ARID5B: variants seen among roughly 807,000 people sequenced by gnomAD.
ARID5B encodes AT-rich interaction domain 5B.
In ARID5B, 13 loss-of-function variants were observed where a neutral mutation model predicts 97.2. That is an observed-to-expected ratio of 0.13 (90% CI 0.09 to 0.21). The LOEUF is 0.21. ARID5B is among the 10% of genes least tolerant of loss of function. The pLI is 1.00. For missense variants in ARID5B, 1,210 were observed against 1,465.3 expected (o/e 0.83, Z 2.84); for synonymous variants, 556 against 570.3 (o/e 0.97, Z 0.36).
chr10:62,063,315 G>C (rs1438181455), intron 7 of ARID5B, among the ~76,000 whole-genome samples: 1 of 152,158 alleles, frequency 6.6e-6, no homozygotes, highest in Non-Finnish European at 1.5e-5. Context: ...AAGTATAAAA[G>C]CTGTAGATGT....
At chr10:61,902,605 CAA>C (rs1191518017) in intron 2 of ARID5B, among the ~76,000 whole-genome samples, 192 bp downstream of exon 2, 1 of 151,976 alleles carries the variant, frequency 6.6e-6, no homozygotes, top group African/African-American at 2.4e-5. Context: ...GTCAGCTTTA[CAA>C]AGAGGATCCA....
At chr10:62,049,533 C>G (rs1564636674) in intron 4 of ARID5B, 4 of 1,549,922 alleles carry the variant, frequency 2.6e-6, no homozygotes, top group Non-Finnish European at 3.5e-6. Flanking sequence ...GCTTGTTTAC[C>G]TTTGGTAATT....
intron 4 of ARID5B, among the ~76,000 whole-genome samples, chr10:62,050,272 A>G (rs113568688): frequency 6.6e-6 from 1 of 152,206 alleles, no homozygotes; most frequent in Non-Finnish European, 1.5e-5. Flanking sequence ...ATTTAAATGT[A>G]TCTGTCAGAT....
intron 4 of ARID5B, among the ~76,000 whole-genome samples, chr10:62,042,858 T>A (rs897515753): frequency 6.9e-6 from 1 of 143,922 alleles, no homozygotes; most frequent in Non-Finnish European, 1.5e-5. Flanking sequence ...GAGCATGCAG[T>A]GAGCCAAGAT....
At chr10:62,070,052 CCCCACAAGCATAGA>C (rs1840043025) in intron 8 of ARID5B, among the ~76,000 whole-genome samples, 1 of 149,586 alleles carries the variant, frequency 6.7e-6, no homozygotes. Context: ...TTTTTTTTTT[CCCCACAAGCATAGA>C]TTACTCAGGA....
At chr10:62,049,701 A>T (rs1417182356) in intron 4 of ARID5B, among the ~76,000 whole-genome samples, 5 of 152,196 alleles carry the variant, frequency 3.3e-5, no homozygotes, top group Non-Finnish European at 7.3e-5. Context: ...TTCCACCAAC[A>T]GTAAAACTGT....
At chr10:61,985,650 A>T (rs1456273711) in intron 3 of ARID5B, among the ~76,000 whole-genome samples, 2 of 152,174 alleles carry the variant, frequency 1.3e-5, no homozygotes, top group Non-Finnish European at 2.9e-5. Context: ...CCTAAAAAAC[A>T]TTAAATTACA....
chr10:61,957,308 G>A (rs113291057), intron 3 of ARID5B, among the ~76,000 whole-genome samples: 2,872 of 151,810 alleles, frequency 0.019, 74 homozygotes, highest in African/African-American at 0.065. Flanking sequence ...TCTCTCTGTC[G>A]CCCAGGCTGG....
intron 3 of ARID5B, among the ~76,000 whole-genome samples, chr10:61,996,858 T>C (rs1294097232): frequency 6.7e-6 from 1 of 148,834 alleles, no homozygotes; most frequent in Non-Finnish European, 1.5e-5. Flanking sequence ...AGGAGAGAAA[T>C]AAGAATTTTT....
At chr10:62,020,066 G>A (rs147405030) in intron 4 of ARID5B, among the ~76,000 whole-genome samples, 2 of 152,222 alleles carry the variant, frequency 1.3e-5, no homozygotes, top group Admixed American at 6.5e-5. Context: ...ACTTTCTGGC[G>A]AGGAGTCTTG....
chr10:62,090,924 T>C lies in ARID5B; in HGVS notation c.1461T>C (p.Pro487=). The change falls in exon 10 of 10, where the codon CCT becomes CCC. Residue 487 remains proline, a synonymous_variant. Coordinates refer to ENST00000279873, the MANE Select transcript of ARID5B (RefSeq NM_032199.3). ...TAAGCCAGAAAAGCATCCCTGAGCC[T>C]CTCCCAGCAGCAGACATGAAGAAAA... The part of the protein sequence containing the change: ...TLISQKSIPE[P]LPAADMKKKI... 6.2e-7 allele frequency: 1 copy of C among 1,613,098 alleles called. No individual in the cohort carries two copies.
intron 3 of ARID5B, among the ~76,000 whole-genome samples, chr10:61,999,747 T>C (rs938186179): frequency 2.0e-5 from 3 of 152,186 alleles, no homozygotes; most frequent in African/African-American, 7.2e-5. Flanking sequence ...CCTTTCCCTA[T>C]GATGAGGATG....
intron 3 of ARID5B, among the ~76,000 whole-genome samples, chr10:61,958,119 TAG>T (rs1838417341): frequency 6.6e-6 from 1 of 152,100 alleles, no homozygotes; most frequent in South Asian, 2.1e-4. Flanking sequence ...TGTTATAAGG[TAG>T]AGTCTAGCCA....
chr10:61,934,402 G>A (rs374339644), intron 2 of ARID5B, among the ~76,000 whole-genome samples: 5 of 152,268 alleles, frequency 3.3e-5, no homozygotes, highest in East Asian at 1.9e-4. Flanking sequence ...GTTAACTGGC[G>A]CAAGAGGCCT....
rs764419084 is a variant in ARID5B at position 62,093,047 on chromosome 10, C to A, written c.*17C>A. Reference sequence around the variant, plus strand: ...AAACTGTAGGCTCAGCTCTGCCCAGCAGTCCAAAGCGGCATGGCCAACAGA... The same window carrying A: ...AAACTGTAGGCTCAGCTCTGCCCAGAAGTCCAAAGCGGCATGGCCAACAGA... On this transcript the variant is annotated 3_prime_UTR_variant, in exon 10 of 10. Coordinates refer to ENST00000279873, the MANE Select transcript of ARID5B (RefSeq NM_032199.3). 1 of 1,584,452 alleles carries A rather than the reference C, an allele frequency of 6.3e-7. No homozygotes were observed. The highest frequency in any genetic ancestry group is 2.2e-5 in the East Asian group (1 of 44,772).
intron 9 of ARID5B, among the ~76,000 whole-genome samples, chr10:62,087,532 TAAA>T (rs769545599): frequency 3.0e-5 from 4 of 133,220 alleles, no homozygotes; most frequent in Non-Finnish European, 3.3e-5. Flanking sequence ...TGCTGCCCAT[TAAA>T]AAAAAAAAAA....
chr10:62,018,349 A>G (rs1177344028), intron 4 of ARID5B, among the ~76,000 whole-genome samples: 1 of 152,218 alleles, frequency 6.6e-6, no homozygotes, highest in African/African-American at 2.4e-5. Flanking sequence ...AACAGAAACC[A>G]GTGGGAAAGA....
chr10:61,945,793 G>A (rs1217134157), intron 3 of ARID5B, among the ~76,000 whole-genome samples: 1 of 151,836 alleles, frequency 6.6e-6, no homozygotes, highest in Non-Finnish European at 1.5e-5. Context: ...ATCAGAAGCA[G>A]GTTCTGTATG....
At chr10:61,910,755 T>A (rs1843789540) in intron 2 of ARID5B, among the ~76,000 whole-genome samples, 1 of 152,252 alleles carries the variant, frequency 6.6e-6, no homozygotes, top group Non-Finnish European at 1.5e-5. Context: ...GTAAATTAAT[T>A]CTGCTTTTAA....
Sources: gnomAD v4.1 joint callset for allele counts (sites outside exome capture counted in the v4.1 genomes callset) on GRCh38, gnomAD v4.1.1 for gene constraint, MANE v1.5 for transcripts, NCBI Gene and HGNC (gene_info 2026-07-23, HGNC 2026-07-21) for gene names.